Variants in DRICH1 observed in about 807,000 individuals in gnomAD.
DRICH1 encodes the protein aspartate rich 1.
A neutral mutation model predicts 39.5 loss-of-function variants in DRICH1; 38 were observed. The observed-to-expected ratio is 0.96, with a 90% confidence interval of 0.74 to 1.26. DRICH1 has a LOEUF of 1.26. Ranked by LOEUF, DRICH1 falls within the 50% of genes most tolerant of loss-of-function variation. DRICH1 has a pLI of 0.00. For missense variants in DRICH1, 279 were observed against 270.4 expected (o/e 1.03, Z -0.22); for synonymous variants, 84 against 99.5 (o/e 0.84, Z 0.93).
intron 6 of DRICH1, 152 bp downstream of exon 6, chr22:23,619,212 A>ATTAGTCATGTTAG: frequency 3.4e-6 from 2 of 594,976 alleles, no homozygotes; most frequent in Non-Finnish European, 3.0e-6. Context: ...ACAAATTTAT[A>ATTAGTCATGTTAG]TTAGTCATGT....
At chr22:23,597,445 G>A in the DRICH1 span, among the ~76,000 whole-genome samples, 1 of 136,166 alleles carries the variant, frequency 7.3e-6, no homozygotes, top group African/African-American at 2.8e-5. Flanking sequence ...CAAGGCTGCA[G>A]TGAGCCATGA....
chr22:23,609,187 C>A (rs1354117779), intron 11 of DRICH1, among the ~76,000 whole-genome samples: 3 of 152,184 alleles, frequency 2.0e-5, no homozygotes, highest in African/African-American at 4.8e-5. Flanking sequence ...CAGCCAGTGG[C>A]TATAAGCCCA....
intron 3 of DRICH1, 114 bp from the exon 4 acceptor site, chr22:23,622,290 G>A (rs1927792250): frequency 2.2e-6 from 2 of 928,944 alleles, no homozygotes; most frequent in Admixed American, 1.7e-5. Context: ...CATGGACTGA[G>A]TTAATGCTGG....
At chr22:23,585,275 C>T in the DRICH1 span, among the ~76,000 whole-genome samples, 1 of 152,032 alleles carries the variant, frequency 6.6e-6, no homozygotes, top group Non-Finnish European at 1.5e-5. Flanking sequence ...GTAGCTGGAA[C>T]TAGAGGAACA....
At chr22:23,607,760 C>T (rs902173670), downstream of DRICH1, among the ~76,000 whole-genome samples, 3 of 152,164 alleles carry the variant, frequency 2.0e-5, no homozygotes, top group Non-Finnish European at 2.9e-5. Flanking sequence ...AGAACTTTCT[C>T]TCTGAAAATG....
chr22:23,631,995 T>G lies in DRICH1; in HGVS notation c.29A>C (p.Asn10Thr). 6.2e-6 allele frequency: 10 copies of G among 1,613,270 alleles called. No individual in the cohort carries two copies. Among genetic ancestry groups the G allele is most frequent in the Non-Finnish European group, 8.5e-6 (10 of 1,179,962 alleles). ...CCCCCTGGGCCAGCCACAGTGGGAG[T>G]TGATACAACAGGTCAGTATATTCCC... Reference protein sequence around the residue: MGNILTCCINSHCGWPRGKD... With the variant: MGNILTCCITSHCGWPRGKD... The change falls in exon 1 of 12, where the codon AAC becomes ACC. Residue 10 changes from asparagine (N) to threonine (T), a missense_variant. Coordinates refer to ENST00000317749, the MANE Select transcript of DRICH1 (RefSeq NM_016449.4).
At chr22:23,598,417 G>C in the DRICH1 span, among the ~76,000 whole-genome samples, 1 of 151,918 alleles carries the variant, frequency 6.6e-6, no homozygotes, top group South Asian at 2.1e-4. Context: ...AACCTGTGGG[G>C]AGAGACTGTT....
At chr22:23,585,442 C>T in the DRICH1 span, among the ~76,000 whole-genome samples, 5 of 152,092 alleles carry the variant, frequency 3.3e-5, no homozygotes, top group Non-Finnish European at 5.9e-5. Flanking sequence ...CGCCTAGCAG[C>T]GTATTTCTTA....
the DRICH1 span, among the ~76,000 whole-genome samples, chr22:23,584,802 C>G: frequency 3.3e-5 from 5 of 152,092 alleles, no homozygotes; most frequent in Non-Finnish European, 7.4e-5. Context: ...AATTAAACAA[C>G]AGTCTTTTTT....
At chr22:23,593,909 C>T in the DRICH1 span, among the ~76,000 whole-genome samples, 7 of 149,186 alleles carry the variant, frequency 4.7e-5, no homozygotes, top group African/African-American at 1.5e-4. Flanking sequence ...ACCCGGGAGA[C>T]GGAGGTTGCA....
intron 9 of DRICH1, 30 bp downstream of exon 9, chr22:23,614,105 C>A (rs761544147): frequency 1.4e-6 from 2 of 1,444,836 alleles, no homozygotes; most frequent in Non-Finnish European, 1.9e-6. Flanking sequence ...AGCAACATTG[C>A]TGTAGAAGAC....
chr22:23,622,448 T>C (rs1017592199), intron 3 of DRICH1, among the ~76,000 whole-genome samples: 12 of 152,154 alleles, frequency 7.9e-5, no homozygotes, highest in Non-Finnish European at 1.8e-4. Flanking sequence ...TAAGGGTCAA[T>C]GGAAGAGTGC....
intron 11 of DRICH1, among the ~76,000 whole-genome samples, chr22:23,609,707 G>A (rs1056630206): frequency 5.3e-5 from 8 of 151,996 alleles, no homozygotes; most frequent in South Asian, 2.1e-4. Flanking sequence ...CCTCCTCACC[G>A]CTCTCTGCCT....
At chr22:23,618,315 C>T (rs879483169) in intron 6 of DRICH1, among the ~76,000 whole-genome samples, 6 of 151,948 alleles carry the variant, frequency 3.9e-5, no homozygotes, top group Non-Finnish European at 5.9e-5. Flanking sequence ...GGAGTTTCAC[C>T]GTGTTAGCCA....
chr22:23,585,139 C>T, the DRICH1 span, among the ~76,000 whole-genome samples: 2 of 151,920 alleles, frequency 1.3e-5, no homozygotes, highest in African/African-American at 4.8e-5. Flanking sequence ...CTCCTTCCTT[C>T]CCTCCTTTCT....
At chr22:23,593,616 T>C in the DRICH1 span, among the ~76,000 whole-genome samples, 1 of 152,154 alleles carries the variant, frequency 6.6e-6, no homozygotes, top group African/African-American at 2.4e-5. Flanking sequence ...CTGGTGAACA[T>C]GGTGAAACCC....
the DRICH1 span, among the ~76,000 whole-genome samples, chr22:23,587,422 G>C: frequency 6.6e-6 from 1 of 152,178 alleles, no homozygotes. Context: ...ATTTACTCAT[G>C]GGAAGCCTTA....
At chr22:23,589,452 A>ATT in the DRICH1 span, among the ~76,000 whole-genome samples, 2 of 151,236 alleles carry the variant, frequency 1.3e-5, no homozygotes, top group Non-Finnish European at 1.5e-5. Flanking sequence ...CTGTCTCATT[A>ATT]AAAAAAACCC....
At chr22:23,627,730 A>C (rs1928153308) in intron 1 of DRICH1, among the ~76,000 whole-genome samples, 1 of 152,098 alleles carries the variant, frequency 6.6e-6, no homozygotes, top group Non-Finnish European at 1.5e-5. Context: ...GGGCAGGGGC[A>C]CCTCACTGTC....
Sources: gnomAD v4.1 joint callset for allele counts (sites outside exome capture counted in the v4.1 genomes callset) on GRCh38, gnomAD v4.1.1 for gene constraint, MANE v1.5 for transcripts, NCBI Gene and HGNC (gene_info 2026-07-23, HGNC 2026-07-21) for gene names.